WDFY3: variants seen among roughly 807,000 people sequenced by gnomAD.
The protein encoded by WDFY3 is WD repeat and FYVE domain-containing protein 3.
Under a neutral mutation model 409.6 loss-of-function variants are expected in WDFY3, and 66 were observed. The observed-to-expected ratio is 0.16, with a 90% CI of 0.13 to 0.20. The LOEUF (loss-of-function observed/expected upper bound fraction) is 0.20, where lower values mean the gene tolerates loss of function less well. Ranked by LOEUF, WDFY3 falls within the 10% of genes least tolerant of loss-of-function variation. The probability of loss-of-function intolerance (pLI) is 1.00; values close to 1 mark genes in which losing one functional copy is unlikely to be tolerated. For missense variants in WDFY3, 3,031 were observed against 4,298.1 expected, an observed-to-expected ratio of 0.71 and a Z score of 8.24; for synonymous variants, 1,521 against 1,537.1, an observed-to-expected ratio of 0.99 and a Z score of 0.25.
intron 48 of WDFY3, among the ~76,000 whole-genome samples, chr4:84,717,470 T>C (rs534531519): frequency 3.0e-4 from 45 of 152,310 alleles, no homozygotes; most frequent in African/African-American, 8.9e-4. Context: ...CTGATTGTTG[T>C]TGACAGTAAT....
chr4:84,860,085 C>T (rs928058915), intron 4 of WDFY3, among the ~76,000 whole-genome samples: 2 of 152,280 alleles, frequency 1.3e-5, no homozygotes, highest in South Asian at 2.1e-4. Flanking sequence ...ATCACTTTAA[C>T]AGATAACAGA....
intron 7 of WDFY3, among the ~76,000 whole-genome samples, chr4:84,832,642 A>T (rs188798643): frequency 6.6e-6 from 1 of 152,330 alleles, no homozygotes; most frequent in Admixed American, 6.5e-5. Flanking sequence ...AAAATTAATA[A>T]TGAAAGTTTA....
chr4:84,875,263 AACACACACACACACACACACAC>A (rs58589086), intron 3 of WDFY3, among the ~76,000 whole-genome samples: 2 of 137,484 alleles, frequency 1.5e-5, no homozygotes, highest in African/African-American at 2.8e-5. Context: ...GCAAGACTCA[AACACACACACACACACACACAC>A]ACACACACAC....
intron 24 of WDFY3, 65 bp downstream of exon 24, chr4:84,785,914 T>G: frequency 6.3e-5 from 98 of 1,567,800 alleles, no homozygotes; most frequent in Non-Finnish European, 7.9e-5. Flanking sequence ...AGTATCCATA[T>G]GAGACTCTGA....
intron 17 of WDFY3, among the ~76,000 whole-genome samples, 155 bp from the exon 18 acceptor site, chr4:84,798,263 T>A (rs1262911944): frequency 6.6e-6 from 1 of 152,160 alleles, no homozygotes; most frequent in African/African-American, 2.4e-5. Flanking sequence ...AGTTTTACAT[T>A]TAATCACCAT....
At chr4:84,806,664 T>C (rs1019117147) in intron 15 of WDFY3, among the ~76,000 whole-genome samples, 2 of 152,196 alleles carry the variant, frequency 1.3e-5, no homozygotes, top group Admixed American at 1.3e-4. Context: ...TGGAGTGCAG[T>C]GCGGTGATCT....
intron 63 of WDFY3, 114 bp downstream of exon 63, chr4:84,683,829 G>C: frequency 8.9e-7 from 1 of 1,123,930 alleles, no homozygotes; most frequent in South Asian, 1.6e-5. Flanking sequence ...GCTGGAGCGA[G>C]AGTTCACTAA....
intron 1 of WDFY3, among the ~76,000 whole-genome samples, chr4:84,942,309 C>A: frequency 6.6e-6 from 1 of 151,106 alleles, no homozygotes; most frequent in Admixed American, 6.6e-5. Context: ...GACTGGAACC[C>A]AAAATATATA....
At chr4:84,828,074 AGAGG>A (rs923450236) in intron 9 of WDFY3, among the ~76,000 whole-genome samples, 6 of 138,752 alleles carry the variant, frequency 4.3e-5, no homozygotes, top group Non-Finnish European at 6.3e-5. Context: ...ATGAGACCCC[AGAGG>A]GAGGGAGGGA....
chr4:84,807,463 A>C (rs1314921153), intron 15 of WDFY3, among the ~76,000 whole-genome samples: 2 of 152,202 alleles, frequency 1.3e-5, no homozygotes, highest in Non-Finnish European at 2.9e-5. Context: ...ACTAACTCCA[A>C]CTATCTTCAA....
rs113998643 is a variant in WDFY3, at chr4:84,710,198, T to C, written c.8043-851A>G. ...TAACCATAGTCTAACTTTCTAATTT[T>C]TACTATAATCACTAAGTAAACAGAT... is the stretch of plus-strand genomic sequence containing the variant. On this transcript the variant is annotated intron_variant, in intron 51 of 67. Transcript: ENST00000295888. Among the ~76,000 whole-genome samples the C allele has an allele frequency of 4.9e-3, 749 of 152,274 alleles. 6 individuals are homozygous for C. The highest frequency in any genetic ancestry group is 0.017 in the African/African-American group (719 of 41,566).
intron 7 of WDFY3, among the ~76,000 whole-genome samples, chr4:84,834,620 C>G (rs955173467): frequency 6.6e-6 from 1 of 152,128 alleles, no homozygotes; most frequent in Non-Finnish European, 1.5e-5. Flanking sequence ...CACCGCACTC[C>G]GGCCTGGGAG....
intron 2 of WDFY3, among the ~76,000 whole-genome samples, chr4:84,926,511 C>T (rs540372172): frequency 6.6e-6 from 1 of 152,088 alleles, no homozygotes; most frequent in Admixed American, 6.6e-5. Flanking sequence ...AGTATCTTTA[C>T]TCATTTACAT....
intron 51 of WDFY3, 84 bp downstream of exon 51, chr4:84,713,075 C>T (rs1282696940): frequency 2.7e-6 from 4 of 1,455,446 alleles, no homozygotes; most frequent in Non-Finnish European, 3.8e-6. Flanking sequence ...AAACACTCAT[C>T]TAAAATGTTA....
At chr4:84,748,085 T>C (rs10034853) in intron 36 of WDFY3, among the ~76,000 whole-genome samples, 274 of 152,236 alleles carry the variant, frequency 1.8e-3, no homozygotes, top group Middle Eastern at 0.01. Flanking sequence ...TGCACTTTCT[T>C]CCCATTGCCA....
At chr4:84,764,668 T>C (rs1743299019) in intron 32 of WDFY3, among the ~76,000 whole-genome samples, 1 of 151,844 alleles carries the variant, frequency 6.6e-6, no homozygotes, top group African/African-American at 2.4e-5. Flanking sequence ...GAGACCATCC[T>C]GGCTAACATG....
At chr4:84,764,036 T>G (rs1033812073) in intron 32 of WDFY3, among the ~76,000 whole-genome samples, 1 of 152,208 alleles carries the variant, frequency 6.6e-6, no homozygotes, top group Non-Finnish European at 1.5e-5. Flanking sequence ...TTAGGCTTAT[T>G]TTCTAGAAAA....
At chr4:84,746,145 CAAAAAAA>C (rs761664622) in intron 36 of WDFY3, among the ~76,000 whole-genome samples, 21 of 60,632 alleles carry the variant, frequency 3.5e-4, no homozygotes, top group South Asian at 5.9e-4. Flanking sequence ...CTGTCTCTAC[CAAAAAAA>C]AAAAAAAAAA....
Position 84,726,876 on chromosome 4 carries a change from A to C in WDFY3, c.7257T>G (p.Asp2419Glu). ...TGTGTTTTACCTTTTGAGGAATATCATCGGGTGTCTCAGGCTGTTTACTTG... is the reference window on the plus strand; with the variant it reads ...TGTGTTTTACCTTTTGAGGAATATCCTCGGGTGTCTCAGGCTGTTTACTTG... ...EIPSKQPETP[D>E]DIPQKKPARY... Residue 2419 changes from aspartate (D) to glutamate (E), a missense_variant, in exon 45 of 68, where the codon GAT (aspartate) becomes GAG (glutamate). Coordinates refer to ENST00000295888, the MANE Select transcript of WDFY3 (RefSeq NM_014991.6). 1.2e-6 allele frequency: 2 copies of C among 1,608,996 alleles called. No homozygotes were observed. Among genetic ancestry groups the C allele is most frequent in the Non-Finnish European group, 1.7e-6 (2 of 1,178,408 alleles).
Sources: gnomAD v4.1 joint callset for allele counts (sites outside exome capture counted in the v4.1 genomes callset) on GRCh38, gnomAD v4.1.1 for gene constraint, MANE v1.5 for transcripts, NCBI Gene and HGNC (gene_info 2026-07-23, HGNC 2026-07-21) for gene names.